Variants in NHEJ1 observed in about 807,000 individuals in gnomAD.
NHEJ1 encodes the protein non-homologous end-joining factor 1.
In NHEJ1, 22 loss-of-function variants were observed where a neutral mutation model predicts 39.4. The ratio of observed to expected loss-of-function variants is 0.56; its 90% CI spans 0.40 to 0.80. NHEJ1 has a LOEUF of 0.80. Ranked by LOEUF, NHEJ1 falls within the 30% of genes least tolerant of loss-of-function variation. NHEJ1 has a pLI of 0.00. For synonymous variants in NHEJ1, 154 were observed against 135.6 expected (o/e 1.14, Z -0.94); for missense variants, 329 against 357.1 (o/e 0.92, Z 0.63).
chr2:219,158,245 C>G lies in NHEJ1; in HGVS notation c.118G>C (p.Asp40His), dbSNP rs762831622. Residue 40 changes from aspartate (D) to histidine (H), a missense_variant, in exon 2 of 8, where the codon GAT becomes CAT. Physicochemically the swap from Asp to His is moderately conservative, Grantham distance 81. Transcript: ENST00000356853. Reference sequence around the variant, plus strand: ...TGTTCATGCCACACCTGTTGAAGATCTGAAACCAACAAGGCATAGCCCTGC... The same window carrying G: ...TGTTCATGCCACACCTGTTGAAGATGTGAAACCAACAAGGCATAGCCCTGC... ...TKQGYALLVS[D>H]LQQVWHEQVD... 1 of 1,614,228 alleles carries G rather than the reference C, an allele frequency of 6.2e-7. No homozygotes were observed. The highest frequency in any genetic ancestry group is 1.7e-5 in the Admixed American group (1 of 60,024).
intron 5 of NHEJ1, among the ~76,000 whole-genome samples, chr2:219,106,304 G>A (rs1180152817): frequency 6.6e-6 from 1 of 152,170 alleles, no homozygotes; most frequent in Non-Finnish European, 1.5e-5. Context: ...TAATTGACTT[G>A]GGGTGGGGGA....
intron 5 of NHEJ1, among the ~76,000 whole-genome samples, chr2:219,142,027 G>T (rs1949696346): frequency 1.3e-5 from 2 of 152,210 alleles, no homozygotes; most frequent in South Asian, 4.1e-4. Context: ...GAATCAGGCT[G>T]CAACCAGACA....
At chr2:219,094,927 T>C (rs1949192412) in intron 5 of NHEJ1, among the ~76,000 whole-genome samples, 1 of 152,168 alleles carries the variant, frequency 6.6e-6, no homozygotes, top group African/African-American at 2.4e-5. Flanking sequence ...AAACATTATC[T>C]GTCAAGGCCT....
At chr2:219,143,739 C>T (rs1410700188) in intron 5 of NHEJ1, among the ~76,000 whole-genome samples, 1 of 152,234 alleles carries the variant, frequency 6.6e-6, no homozygotes, top group Non-Finnish European at 1.5e-5. Flanking sequence ...GATACTCTTC[C>T]TGTGCTGCCA....
intron 5 of NHEJ1, among the ~76,000 whole-genome samples, chr2:219,088,179 T>C (rs1188538305): frequency 6.6e-6 from 1 of 152,224 alleles, no homozygotes; most frequent in African/African-American, 2.4e-5. Context: ...ATCTATTAAA[T>C]CTAAAAATAT....
At chr2:219,076,815 C>G (rs933521690) in intron 7 of NHEJ1, among the ~76,000 whole-genome samples, 1 of 152,178 alleles carries the variant, frequency 6.6e-6, no homozygotes, top group African/African-American at 2.4e-5. Flanking sequence ...GTTGTGATAA[C>G]AAGCATGAGC....
chr2:219,085,796 G>A (rs1186250217), intron 5 of NHEJ1, among the ~76,000 whole-genome samples: 3 of 148,504 alleles, frequency 2.0e-5, no homozygotes, highest in African/African-American at 7.5e-5. Context: ...ATCTATGTAT[G>A]CAATCTAGTC....
chr2:219,140,902 G>A (rs1949684434), intron 5 of NHEJ1, among the ~76,000 whole-genome samples: 1 of 152,170 alleles, frequency 6.6e-6, no homozygotes, highest in Admixed American at 6.5e-5. Context: ...CACGTGTGGC[G>A]TGCAAGGAGT....
At position 219,111,533 on chromosome 2, in the gene NHEJ1, T is replaced by A. The variant is rs1559193642; in HGVS notation, c.589-33327A>T. ...GCTTGGCCCACTCCCCTTATCTAGA[T>A]CCCTTTAGCCCCAAATGTCTTTCAT... is the stretch of plus-strand genomic sequence containing the variant. On this transcript the variant is annotated intron_variant, in intron 5 of 7. Coordinates refer to ENST00000356853, the MANE Select transcript of NHEJ1 (RefSeq NM_024782.3). The surrounding 1 kb of genome is among the most constrained non-coding windows in gnomAD (Gnocchi z 4.1). 1.3e-5 allele frequency among the ~76,000 whole-genome samples: 2 copies of A among 151,936 alleles called. No individual in the cohort carries two copies. The highest frequency in any genetic ancestry group is 3.9e-4 in the East Asian group (2 of 5,164).
Position 219,077,250 on chromosome 2 carries a change from G to A in NHEJ1, c.821C>T (p.Ser274Phe). 6.2e-7 allele frequency: 1 copy of A among 1,611,750 alleles called. No homozygotes were observed. The change falls in exon 7 of 8, where the codon TCC (serine) becomes TTC (phenylalanine). Residue 274 changes from serine (S) to phenylalanine (F), a missense_variant. Ser to Phe is a radical substitution (Grantham distance 155). Coordinates refer to ENST00000356853, the MANE Select transcript of NHEJ1 (RefSeq NM_024782.3). ...APTLSAPEKESTGTSGPLQRP... is the reference protein window; with the variant it reads ...APTLSAPEKEFTGTSGPLQRP... ...AGGAAGCTGCTCATGACTCACCGTG[G>A]ACTCTTTCTCAGGTGCTGAGAGGGT...
chr2:219,101,225 G>T (rs1949257250), intron 5 of NHEJ1, among the ~76,000 whole-genome samples: 1 of 151,662 alleles, frequency 6.6e-6, no homozygotes, highest in Non-Finnish European at 1.5e-5. Context: ...AGCAATTATC[G>T]TGCCTCAGCC....
At chr2:219,131,576 T>G (rs1197217413) in intron 5 of NHEJ1, among the ~76,000 whole-genome samples, 1 of 152,268 alleles carries the variant, frequency 6.6e-6, no homozygotes, top group Admixed American at 6.5e-5. Context: ...CTTGTTCTAC[T>G]GTATCACTGT....
rs756996341 is a variant in NHEJ1, at chr2:219,158,186, C to T, written c.177G>A (p.Lys59=). 26 of 1,614,058 alleles carry T rather than the reference C, an allele frequency of 1.6e-5. No individual in the cohort carries two copies. The highest frequency in any genetic ancestry group is 2.2e-5 in the Non-Finnish European group (26 of 1,180,036). The change falls in exon 2 of 8, where the codon AAG becomes AAA. Residue 59 remains lysine, a splice_region_variant and synonymous_variant. Coordinates refer to ENST00000356853, the MANE Select transcript of NHEJ1 (RefSeq NM_024782.3). The part of the protein sequence containing the change: ...VDTSVVSQRA[K]ELNKRLTAPP... ...CAGCAGTACTTCTCCTCATACTTACCTTGGCTCGCTGGCTGACCACACTAG... is the reference window on the plus strand; with the variant it reads ...CAGCAGTACTTCTCCTCATACTTACTTTGGCTCGCTGGCTGACCACACTAG...
At chr2:219,095,641 G>T (rs549168804) in intron 5 of NHEJ1, among the ~76,000 whole-genome samples, 4 of 152,260 alleles carry the variant, frequency 2.6e-5, no homozygotes, top group African/African-American at 9.6e-5. Flanking sequence ...CCATAGCAGG[G>T]ATTAGTTTCT....
At chr2:219,156,879 A>C (rs1949859531) in intron 3 of NHEJ1, among the ~76,000 whole-genome samples, 1 of 152,190 alleles carries the variant, frequency 6.6e-6, no homozygotes, top group African/African-American at 2.4e-5. Flanking sequence ...TGCCTTTGAG[A>C]TAAAATCCAA....
In NHEJ1 at chr2:219,083,592, G is replaced by A. The variant is rs193147873; in HGVS notation, c.589-5386C>T. Among the ~76,000 whole-genome samples, 48 of 152,220 alleles carry A rather than the reference G, an allele frequency of 3.2e-4. 2 individuals carry two copies. In the East Asian group the frequency reaches 4.8e-3, roughly 15 times the overall value. The stretch of plus-strand genomic sequence containing the variant: ...CTGTGGGAAAGCCATCATACTTAAC[G>A]GTTTATTTTGAGAGAGAGAGGAGGG... On this transcript the variant is annotated intron_variant, in intron 5 of 7. Transcript: ENST00000356853.
chr2:219,152,742 C>T (rs1053619681), intron 3 of NHEJ1, among the ~76,000 whole-genome samples: 2 of 151,818 alleles, frequency 1.3e-5, no homozygotes, highest in Non-Finnish European at 2.9e-5. Flanking sequence ...GGTGGGACTA[C>T]AGGCATGAGC....
In NHEJ1 at chr2:219,070,769, A is replaced by G. The variant is rs1020668813; in HGVS notation, c.*5612T>C. On this transcript the variant is annotated 3_prime_UTR_variant, in exon 8 of 8. Transcript: ENST00000356853. ...TTTGTCTTGCTATTCTAACTATGTA[A>G]ATTTTCCTGCCAGATTTAATTCACA... Among the ~76,000 whole-genome samples the G allele has an allele frequency of 9.2e-5, 14 of 152,116 alleles. No individual in the cohort carries two copies. The highest frequency in any genetic ancestry group is 3.1e-4 in the African/African-American group (13 of 41,484).
chr2:219,076,486 G>T, intron 7 of NHEJ1, 31 bp from the exon 8 acceptor site: 2 of 1,598,106 alleles, frequency 1.3e-6, no homozygotes, highest in African/African-American at 1.3e-5. Flanking sequence ...GTTAGTAGGG[G>T]TTTTGAAATA....
Sources: allele counts gnomAD v4.1 joint callset (sites outside exome capture counted in the v4.1 genomes callset), GRCh38; gene constraint gnomAD v4.1.1; non-coding constraint Gnocchi (gnomAD v3.1); transcripts MANE v1.5; gene names NCBI Gene and HGNC (gene_info 2026-07-23, HGNC 2026-07-21).